Variants in ARID2 observed in about 807,000 individuals in gnomAD.
ARID2 encodes the protein AT-rich interaction domain 2.
A neutral mutation model predicts 184.6 loss-of-function variants in ARID2; 32 were observed. The ratio of observed to expected loss-of-function variants is 0.17; its 90% CI spans 0.13 to 0.23. ARID2 has a LOEUF of 0.23. Ranked by LOEUF, ARID2 falls within the 10% of genes least tolerant of loss-of-function variation. ARID2 has a pLI of 1.00. For synonymous variants in ARID2, 836 were observed against 772.6 expected (o/e 1.08, Z -1.36); for missense variants, 1,696 against 2,197.6 (o/e 0.77, Z 4.56).
At chr12:45,736,797 T>A (rs756016602) in intron 3 of ARID2, among the ~76,000 whole-genome samples, 2 of 152,238 alleles carry the variant, frequency 1.3e-5, no homozygotes, top group Non-Finnish European at 2.9e-5. Flanking sequence ...TGGGTTACTT[T>A]ATTGCAGGAC....
intron 3 of ARID2, 134 bp from the exon 4 acceptor site, chr12:45,811,284 T>A: frequency 1.1e-6 from 1 of 929,610 alleles, no homozygotes; most frequent in Non-Finnish European, 1.5e-6. Context: ...ACTGTTCTAA[T>A]ATAAGAGGTT....
At chr12:45,753,906 C>T (rs1056212948) in intron 3 of ARID2, among the ~76,000 whole-genome samples, 2 of 150,752 alleles carry the variant, frequency 1.3e-5, no homozygotes, top group Admixed American at 6.6e-5. Context: ...TGCTTACCCA[C>T]CTTATTTGCC....
Position 45,905,128 on chromosome 12 carries a change from C to G in ARID2, c.*50C>G, listed in dbSNP as rs374267339. On this transcript the variant is annotated 3_prime_UTR_variant, in exon 21 of 21. Coordinates refer to ENST00000334344, the MANE Select transcript of ARID2 (RefSeq NM_152641.4). ...GGGACTCAAAGTCAGCCACATTTCACATACTGTTACTGAAGAAAGCACCAA... is the reference window on the plus strand; with the variant it reads ...GGGACTCAAAGTCAGCCACATTTCAGATACTGTTACTGAAGAAAGCACCAA... 1.5e-4 allele frequency: 236 copies of G among 1,571,644 alleles called. No individual in the cohort carries two copies. The highest frequency in any genetic ancestry group is 1.9e-4 in the Non-Finnish European group (225 of 1,154,910).
At chr12:45,832,857 CAGG>C in intron 6 of ARID2, among the ~76,000 whole-genome samples, 1 of 152,158 alleles carries the variant, frequency 6.6e-6, no homozygotes, top group Admixed American at 6.5e-5. Context: ...TTAAAGTACA[CAGG>C]AGGATGTTTG....
rs2138160095 is a variant in ARID2 at position 45,850,233 on chromosome 12, C to A, written c.2110C>A (p.Gln704Lys). The A allele has an allele frequency of 6.2e-7, 1 of 1,614,120 alleles. No homozygotes were observed. Among genetic ancestry groups the A allele is most frequent in the Non-Finnish European group, 8.5e-7 (1 of 1,179,984 alleles). ...ACAAAATGCTCCAGTGACTGTCATTCAAAGTAAAGCTCCAATTCCTTGTGA... is the reference window on the plus strand; with the variant it reads ...ACAAAATGCTCCAGTGACTGTCATTAAAAGTAAAGCTCCAATTCCTTGTGA... ...QQQNAPVTVI[Q>K]SKAPIPCEVV... The change falls in exon 15 of 21, where the codon CAA becomes AAA. Residue 704 changes from glutamine to lysine, a missense_variant. By Grantham distance (53) the Gln-to-Lys change is moderately conservative (BLOSUM62 1). This residue lies in a region of ARID2 where 713 missense variants were observed against 824.4 expected (regional missense o/e 0.86). Transcript: ENST00000334344.
At chr12:45,868,319 T>G (rs763054294) in intron 16 of ARID2, among the ~76,000 whole-genome samples, 2 of 152,126 alleles carry the variant, frequency 1.3e-5, no homozygotes, top group Non-Finnish European at 2.9e-5. Context: ...CGGGTACCTG[T>G]AATCCCAGCT....
At chr12:45,826,344 A>G (rs1943000110) in intron 6 of ARID2, among the ~76,000 whole-genome samples, 1 of 152,082 alleles carries the variant, frequency 6.6e-6, no homozygotes, top group Non-Finnish European at 1.5e-5. Flanking sequence ...TAATATTTGA[A>G]TTAATAGTTA....
chr12:45,808,629 C>G lies in ARID2; in HGVS notation c.285-2789C>G, dbSNP rs80332156. 1.8e-3 allele frequency among the ~76,000 whole-genome samples: 274 copies of G among 152,088 alleles called. 1 individual carries two copies. The highest frequency in any genetic ancestry group is 5.6e-3 in the African/African-American group (233 of 41,502). ...TTGTCAGTTCACTCCACATCTCTTA[C>G]GTTCCATTTTGGGTGTTCTGGGAGG... On this transcript the variant is annotated intron_variant, in intron 3 of 20. Transcript: ENST00000334344.
At chr12:45,821,830 A>G (rs937616072) in intron 6 of ARID2, among the ~76,000 whole-genome samples, 3 of 152,198 alleles carry the variant, frequency 2.0e-5, no homozygotes, top group African/African-American at 7.2e-5. Flanking sequence ...GAAAGGAATG[A>G]AGGGCCAGAC....
At chr12:45,801,340 A>T (rs1256690252) in intron 3 of ARID2, among the ~76,000 whole-genome samples, 1 of 152,050 alleles carries the variant, frequency 6.6e-6, no homozygotes, top group Admixed American at 6.6e-5. Context: ...AAAGTAAAAA[A>T]AGAAAAATTA....
chr12:45,850,460 A>C lies in ARID2; in HGVS notation c.2337A>C (p.Val779=). ...AGCAGTCTCCATTACACACAGTGGT[A>C]CCAGGACAGATCCCTTCAGGCACTC... The part of the protein sequence containing the change: ...IPQQSPLHTV[V]PGQIPSGTPV... The change falls in exon 15 of 21, where the codon GTA becomes GTC. Residue 779 remains valine (V), a synonymous_variant. Transcript: ENST00000334344. 6.2e-7 allele frequency: 1 copy of C among 1,614,070 alleles called. No individual in the cohort carries two copies. Among genetic ancestry groups the C allele is most frequent in the East Asian group, 2.2e-5 (1 of 44,868 alleles).
intron 16 of ARID2, among the ~76,000 whole-genome samples, chr12:45,863,758 C>T (rs1028939502): frequency 6.6e-6 from 1 of 151,656 alleles, no homozygotes; most frequent in African/African-American, 2.4e-5. Context: ...TACATTTAAC[C>T]TGTTCTTAGT....
At chr12:45,858,079 T>C (rs1301760218) in intron 15 of ARID2, among the ~76,000 whole-genome samples, 1 of 152,216 alleles carries the variant, frequency 6.6e-6, no homozygotes. Flanking sequence ...GTATCTCTTA[T>C]ATCACATTCA....
At chr12:45,783,032 G>A (rs1413350496) in intron 3 of ARID2, among the ~76,000 whole-genome samples, 10 of 151,738 alleles carry the variant, frequency 6.6e-5, no homozygotes, top group Admixed American at 6.6e-4. Context: ...TACGGGGGAG[G>A]CTGAGGCACG....
At chr12:45,853,524 C>T (rs1365763468) in intron 15 of ARID2, among the ~76,000 whole-genome samples, 1 of 152,230 alleles carries the variant, frequency 6.6e-6, no homozygotes, top group Non-Finnish European at 1.5e-5. Context: ...GATTCCATCT[C>T]TGCATGCCTT....
chr12:45,829,856 C>A (rs566637405), intron 6 of ARID2, among the ~76,000 whole-genome samples: 1 of 137,366 alleles, frequency 7.3e-6, no homozygotes, highest in East Asian at 2.1e-4. Context: ...GAGCAGCATT[C>A]TGGGTAATTT....
intron 3 of ARID2, among the ~76,000 whole-genome samples, chr12:45,750,565 A>G (rs183575138): frequency 6.6e-6 from 1 of 152,340 alleles, no homozygotes; most frequent in Non-Finnish European, 1.5e-5. Context: ...ATGAGGCACA[A>G]TAAAATGAAG....
At chr12:45,810,761 T>A (rs1056536273) in intron 3 of ARID2, among the ~76,000 whole-genome samples, 2 of 152,176 alleles carry the variant, frequency 1.3e-5, no homozygotes, top group African/African-American at 4.8e-5. Flanking sequence ...ATCTTCTAAT[T>A]TTCATATTGT....
At chr12:45,804,641 T>C (rs1258131119) in intron 3 of ARID2, among the ~76,000 whole-genome samples, 1 of 152,104 alleles carries the variant, frequency 6.6e-6, no homozygotes, top group African/African-American at 2.4e-5. Context: ...GAAATGTCTG[T>C]TCTTGGAAAG....
Sources: gnomAD v4.1 joint callset for allele counts (sites outside exome capture counted in the v4.1 genomes callset) on GRCh38, gnomAD v4.1.1 for gene constraint, gnomAD v4.1.1 regional missense constraint, MANE v1.5 for transcripts, NCBI Gene and HGNC (gene_info 2026-07-23, HGNC 2026-07-21) for gene names.